The following SKA1 variants were observed in gnomAD, a reference collection of about 807,000 sequenced individuals.
The protein encoded by SKA1 is spindle and kinetochore associated complex subunit 1, also known as SKA complex subunit 1.
SKA1 carries 20 observed loss-of-function variants against 31.8 expected under a neutral mutation model. The ratio of observed to expected loss-of-function variants is 0.63; its 90% CI spans 0.44 to 0.91. SKA1 has a LOEUF of 0.91. Among genes scored for constraint, SKA1 ranks in the 40% least tolerant of loss-of-function variants. The probability of loss-of-function intolerance (pLI) is 0.00; values close to 1 mark genes in which losing one functional copy is unlikely to be tolerated. For synonymous variants in SKA1, 88 were observed against 100.5 expected (o/e 0.88, Z 0.74); for missense variants, 253 against 298.2 (o/e 0.85, Z 1.12).
intron 5 of SKA1, among the ~76,000 whole-genome samples, chr18:50,389,588 G>T (rs1265202874): frequency 6.6e-6 from 1 of 151,844 alleles, no homozygotes; most frequent in Non-Finnish European, 1.5e-5. Flanking sequence ...TAGAGATGGG[G>T]TTTCAGCCAT....
In SKA1 at chr18:50,394,037, G is replaced by C. The variant is rs1245670238; in HGVS notation, c.*1790G>C. 6.6e-6 allele frequency: 1 copy of C among 152,240 alleles called. No homozygotes were observed. The highest frequency in any genetic ancestry group is 1.5e-5 in the Non-Finnish European group (1 of 68,056). 9.4% of individuals were successfully genotyped at this position (152,240 alleles called of 1,614,324 possible). ...CATTTTGATGTGCCAGGAAGGTGAC[G>C]CACTCCAGCTTTATGAAGTCAGCAA... On this transcript the variant is annotated 3_prime_UTR_variant, in exon 7 of 7. Transcript: ENST00000285116.
intron 4 of SKA1, 64 bp downstream of exon 4, chr18:50,382,290 A>G (rs2041269828): frequency 9.6e-7 from 1 of 1,036,758 alleles, no homozygotes; most frequent in South Asian, 1.9e-5. Flanking sequence ...AAGTTCTTCA[A>G]AGCCTTTTGT....
chr18:50,375,639 A>T (rs537801559), intron 1 of SKA1, among the ~76,000 whole-genome samples, 181 bp from the exon 2 acceptor site: 1 of 152,344 alleles, frequency 6.6e-6, no homozygotes, highest in South Asian at 2.1e-4. Flanking sequence ...AAGACAAGTC[A>T]GTACGGTACC....
chr18:50,385,503 A>AT (rs1279792408), intron 5 of SKA1, 150 bp downstream of exon 5: 6 of 745,158 alleles, frequency 8.1e-6, no homozygotes, highest in Non-Finnish European at 1.2e-5. Context: ...AATGCAGTAA[A>AT]TTTTTTGAAG....
At chr18:50,380,305 A>T in intron 3 of SKA1, 55 bp downstream of exon 3, 1 of 1,479,398 alleles carries the variant, frequency 6.8e-7, no homozygotes, top group Admixed American at 2.8e-5. Context: ...CAAACTCCCT[A>T]ATCATTAAGT....
At chr18:50,384,891 G>GAAAAAAAAAAAAAAAAAAAA (rs2041294055) in intron 4 of SKA1, among the ~76,000 whole-genome samples, 1 of 107,478 alleles carries the variant, frequency 9.3e-6, no homozygotes, top group Non-Finnish European at 2.0e-5. Flanking sequence ...AAAAAAAAAA[G>GAAAAAAAAAAAAAAAAAAAA]GAAAAAAAAA....
chr18:50,385,435 T>C, intron 5 of SKA1, 82 bp downstream of exon 5: 2 of 1,155,432 alleles, frequency 1.7e-6, no homozygotes, highest in Non-Finnish European at 2.4e-6. Flanking sequence ...TTATATTAAT[T>C]GTAATATGCT....
chr18:50,387,314 A>G lies in SKA1; in HGVS notation c.449+1961A>G, dbSNP rs187155550. ...AGTCCTCTGCTCTACCAGCTGAGCT[A>G]TCGAAGGAAGCACTGAGCATCTTTT... On this transcript the variant is annotated intron_variant, in intron 5 of 6. Coordinates refer to ENST00000285116, the MANE Select transcript of SKA1 (RefSeq NM_145060.4). 4.6e-5 allele frequency among the ~76,000 whole-genome samples: 7 copies of G among 152,376 alleles called. No homozygotes were observed. In the East Asian group the frequency reaches 9.6e-4, roughly 21 times the overall value.
chr18:50,392,414 G>A lies in SKA1; in HGVS notation c.*167G>A, dbSNP rs1170245443. The A allele has an allele frequency of 2.4e-6, 1 of 411,264 alleles. No homozygotes were observed. Among genetic ancestry groups the A allele is most frequent in the Admixed American group, 4.6e-5 (1 of 21,704 alleles). 25.5% of individuals were successfully genotyped at this position (411,264 alleles called of 1,614,324 possible). A position where few individuals can be genotyped will look rare whatever the true frequency, so the allele number is the denominator to read the frequency against. Reference sequence around the variant, plus strand: ...CCCAGGGGCTTGCTTTGTCACGCAGGCTAGAGTGCAGTGGCGCAAACATGG... The same window carrying A: ...CCCAGGGGCTTGCTTTGTCACGCAGACTAGAGTGCAGTGGCGCAAACATGG... On this transcript the variant is annotated 3_prime_UTR_variant, in exon 7 of 7. Coordinates refer to ENST00000285116, the MANE Select transcript of SKA1 (RefSeq NM_145060.4).
chr18:50,390,973 C>T lies in SKA1; in HGVS notation c.450-151C>T, dbSNP rs567743879. 1.2e-5 allele frequency: 6 copies of T among 511,850 alleles called. No individual in the cohort carries two copies. In the Admixed American group the frequency reaches 1.2e-4, roughly 10 times the overall value. The allele number at this position is 511,850 out of a possible 1,614,324, so 31.7% of individuals were successfully genotyped here. ...CATCTCTATTTAATTATTCAGCTGT[C>T]TGGTTTATTTGGAAGTTGATATAAG... On this transcript the variant is annotated intron_variant, in intron 5 of 6. Transcript: ENST00000285116.
intron 2 of SKA1, among the ~76,000 whole-genome samples, chr18:50,376,634 A>C (rs1377763363): frequency 6.6e-6 from 1 of 152,144 alleles, no homozygotes; most frequent in Non-Finnish European, 1.5e-5. Flanking sequence ...TGCTACACTA[A>C]ATTTATAAAA....
chr18:50,383,299 T>C (rs762758965), intron 4 of SKA1, among the ~76,000 whole-genome samples: 5 of 152,158 alleles, frequency 3.3e-5, no homozygotes, highest in Admixed American at 2.6e-4. Flanking sequence ...TGAAATTCTG[T>C]TTTCTGCCCT....
At chr18:50,391,413 G>C (rs1470145416) in intron 6 of SKA1, 120 bp downstream of exon 6, 1 of 1,007,432 alleles carries the variant, frequency 9.9e-7, no homozygotes. Context: ...ACCAGGAGCA[G>C]TTATCCTACC....
chr18:50,392,230 CGTTAT>C lies in SKA1; in HGVS notation c.757_761del (p.Val253AsnfsTer6). 1 of 1,591,670 alleles carries C rather than the reference CGTTAT, an allele frequency of 6.3e-7. No homozygotes were observed. The highest frequency in any genetic ancestry group is 8.5e-7 in the Non-Finnish European group (1 of 1,173,016). ...AGAGGTCCGAGGGGGAGGACTTACT[CGTTAT>C]GTTATAACCTGAGTCCCTTGTGAAC... On this transcript the variant is annotated frameshift_variant, in exon 7 of 7. Coordinates refer to ENST00000285116, the MANE Select transcript of SKA1 (RefSeq NM_145060.4). LOFTEE classifies it high-confidence loss of function.
At chr18:50,389,378 T>G (rs2149323094) in intron 5 of SKA1, among the ~76,000 whole-genome samples, 1 of 137,860 alleles carries the variant, frequency 7.3e-6, no homozygotes, top group African/African-American at 2.8e-5. Flanking sequence ...TACCTTTCTT[T>G]TTTTTTTTTT....
intron 2 of SKA1, among the ~76,000 whole-genome samples, chr18:50,377,279 G>A (rs1460542339): frequency 6.6e-6 from 1 of 152,124 alleles, no homozygotes; most frequent in Non-Finnish European, 1.5e-5. Flanking sequence ...AAGGCAATAG[G>A]AATGTTTCAG....
In SKA1 at chr18:50,393,451, A is replaced by G. The variant is rs938409341; in HGVS notation, c.*1204A>G. 2 of 152,196 alleles carry G rather than the reference A, an allele frequency of 1.3e-5. No homozygotes were observed. Among genetic ancestry groups the G allele is most frequent in the African/African-American group, 2.4e-5 (1 of 41,442 alleles). The allele number at this position is 152,196 out of a possible 1,614,324, so 9.4% of individuals were successfully genotyped here. The stretch of plus-strand genomic sequence containing the variant: ...TCGATGGCATTTCAGTCTATAGGTA[A>G]ACTTCCTGGAAGCTGGATTTGGAGA... On this transcript the variant is annotated 3_prime_UTR_variant, in exon 7 of 7. Transcript: ENST00000285116.
At chr18:50,381,443 G>A (rs11663086) in intron 3 of SKA1, among the ~76,000 whole-genome samples, 38,017 of 152,070 alleles carry the variant, frequency 0.25, 5,620 homozygotes, top group Non-Finnish European at 0.35. Flanking sequence ...AGGTAACACT[G>A]GGGAGCATTT....
Position 50,392,230 on chromosome 18 carries a change from C to T in SKA1, c.751C>T (p.Arg251Cys), listed in dbSNP as rs781295405. ...AGAGGTCCGAGGGGGAGGACTTACT[C>T]GTTATGTTATAACCTGAGTCCCTTG... is the stretch of plus-strand genomic sequence containing the variant. ...LSEVRGGGLT[R>C]YVIT Residue 251 changes from arginine to cysteine, a missense_variant, in exon 7 of 7, where the codon CGT becomes TGT. Transcript: ENST00000285116. The T allele has an allele frequency of 4.4e-6, 7 of 1,591,670 alleles. No homozygotes were observed. Among genetic ancestry groups the T allele is most frequent in the Non-Finnish European group, 5.1e-6 (6 of 1,173,016 alleles).
Sources: gnomAD v4.1 joint callset for allele counts (sites outside exome capture counted in the v4.1 genomes callset) on GRCh38, gnomAD v4.1.1 for gene constraint, MANE v1.5 for transcripts, NCBI Gene and HGNC (gene_info 2026-07-23, HGNC 2026-07-21) for gene names.